Variants in CTNNA3 observed in about 807,000 individuals in gnomAD.
The protein encoded by CTNNA3 is catenin alpha 3, also known as catenin alpha-3.
Under a neutral mutation model 95.7 loss-of-function variants are expected in CTNNA3, and 76 were observed. The observed-to-expected ratio is 0.79, with a 90% CI of 0.66 to 0.96. The LOEUF is 0.96. Ranked by LOEUF, CTNNA3 falls within the 40% of genes least tolerant of loss-of-function variation. The pLI, the probability that CTNNA3 is intolerant of heterozygous loss-of-function variation, is 0.00. For missense variants in CTNNA3, 1,191 were observed against 1,089.8 expected (o/e 1.09, Z -1.31); for synonymous variants, 431 against 374.4 (o/e 1.15, Z -1.74).
intron 13 of CTNNA3, among the ~76,000 whole-genome samples, chr10:66,191,836 G>A (rs185681882): frequency 3.3e-5 from 5 of 152,274 alleles, no homozygotes; most frequent in African/African-American, 1.2e-4. Flanking sequence ...AATCCCCAAT[G>A]CAACAGTGTT....
At position 66,766,265 on chromosome 10, in the gene CTNNA3, T is replaced by C; in HGVS notation, c.1280A>G (p.Glu427Gly). 6.2e-7 allele frequency: 1 copy of C among 1,613,508 alleles called. No individual in the cohort carries two copies. The highest frequency in any genetic ancestry group is 2.2e-5 in the East Asian group (1 of 44,846). Residue 427 changes from glutamate (E) to glycine (G), a missense_variant and splice_region_variant, in exon 9 of 18, where the codon GAG (glutamate) becomes GGG (glycine). Physicochemically the swap from Glu to Gly is moderately conservative, Grantham distance 98 (BLOSUM62 -2). Coordinates refer to ENST00000433211, the MANE Select transcript of CTNNA3 (RefSeq NM_013266.4). ...IFHEHTSRLV[E>G]VANLACSMST... ...GAGTTACAGTTCTAGCATGCTTACC[T>C]CTACAAGCCTGCTGGTGTGTTCATG...
chr10:66,225,504 T>C (rs1423113497), intron 13 of CTNNA3, among the ~76,000 whole-genome samples: 2 of 150,278 alleles, frequency 1.3e-5, no homozygotes, highest in Non-Finnish European at 3.0e-5. Flanking sequence ...GCTGATTCCA[T>C]ATCTTGACTA....
rs906423317 is a variant in CTNNA3 at position 66,954,010 on chromosome 10, A to C, written c.1048-178486T>G. On this transcript the variant is annotated intron_variant, in intron 7 of 17. Transcript: ENST00000433211. ...AAAATAATTAGAACAAAGCTGGTGC[A>C]TAGTAAGTGCTCGCAAATACTAGCT... Among the ~76,000 whole-genome samples, 22 of 152,208 alleles carry C rather than the reference A, an allele frequency of 1.4e-4. 1 individual carries two copies. Among genetic ancestry groups the C allele is most frequent in the African/African-American group, 4.1e-4 (17 of 41,464 alleles).
At chr10:66,156,052 A>T (rs1427483902) in intron 13 of CTNNA3, among the ~76,000 whole-genome samples, 1 of 151,962 alleles carries the variant, frequency 6.6e-6, no homozygotes, top group Non-Finnish European at 1.5e-5. Flanking sequence ...ATCAAATTAA[A>T]GTCATGCTAT....
At chr10:67,121,981 C>CAAAAAAAAAA (rs370358378) in intron 7 of CTNNA3, among the ~76,000 whole-genome samples, 1 of 47,152 alleles carries the variant, frequency 2.1e-5, no homozygotes, top group Non-Finnish European at 4.3e-5. Context: ...TTATTCTGAG[C>CAAAAAAAAAA]AAAAAAAAAA....
At chr10:66,049,858 G>C (rs2079910202) in intron 15 of CTNNA3, among the ~76,000 whole-genome samples, 1 of 152,040 alleles carries the variant, frequency 6.6e-6, no homozygotes, top group African/African-American at 2.4e-5. Context: ...CTTAATACCT[G>C]GGTGATGAAA....
At chr10:67,233,072 A>T (rs992507163) in intron 5 of CTNNA3, among the ~76,000 whole-genome samples, 7 of 152,234 alleles carry the variant, frequency 4.6e-5, no homozygotes, top group African/African-American at 1.7e-4. Flanking sequence ...CGAGACTTTA[A>T]CACCCCACTG....
chr10:66,097,045 T>C (rs2081421502), intron 14 of CTNNA3, among the ~76,000 whole-genome samples: 1 of 152,200 alleles, frequency 6.6e-6, no homozygotes, highest in Non-Finnish European at 1.5e-5. Context: ...TTTGGATATC[T>C]ATTTCAGTTC....
chr10:67,564,165 A>G lies in CTNNA3; in HGVS notation c.293-24496T>C, dbSNP rs906209391. The stretch of plus-strand genomic sequence containing the variant: ...TGGGTATATACCCAAAGGATCATAA[A>G]TCATGCTTCTATAAAGACACATGCA... On this transcript the variant is annotated intron_variant, in intron 3 of 17. Transcript: ENST00000433211. 1.3e-5 allele frequency among the ~76,000 whole-genome samples: 2 copies of G among 149,890 alleles called. 1 individual carries two copies. The highest frequency in any genetic ancestry group is 4.9e-5 in the African/African-American group (2 of 40,492).
chr10:67,568,787 G>C (rs1440117880), intron 3 of CTNNA3, among the ~76,000 whole-genome samples: 1 of 152,070 alleles, frequency 6.6e-6, no homozygotes, highest in Non-Finnish European at 1.5e-5. Flanking sequence ...TAGGACTTAG[G>C]TGAAATGTTT....
chr10:66,962,922 C>T (rs1849199075), intron 7 of CTNNA3, among the ~76,000 whole-genome samples: 1 of 152,118 alleles, frequency 6.6e-6, no homozygotes. Flanking sequence ...GGTATGTTCA[C>T]AGATCTCTCC....
At chr10:67,688,278 A>G (rs1405441652) in intron 1 of CTNNA3, among the ~76,000 whole-genome samples, 1 of 151,990 alleles carries the variant, frequency 6.6e-6, no homozygotes, top group Non-Finnish European at 1.5e-5. Flanking sequence ...ATGATAGCTC[A>G]GGGGTTTTTG....
intron 7 of CTNNA3, among the ~76,000 whole-genome samples, chr10:67,111,638 TTATC>T (rs1858913691): frequency 1.3e-5 from 2 of 151,984 alleles, no homozygotes; most frequent in Non-Finnish European, 2.9e-5. Flanking sequence ...TGTTAGAAAG[TTATC>T]TATTGAAGTG....
intron 17 of CTNNA3, among the ~76,000 whole-genome samples, chr10:65,927,851 A>G (rs1297005840): frequency 1.3e-5 from 2 of 152,168 alleles, no homozygotes; most frequent in Admixed American, 1.3e-4. Context: ...GTATGTTTCT[A>G]ACTTCATAAG....
chr10:67,713,824 T>C (rs1219741413), intron 1 of CTNNA3, among the ~76,000 whole-genome samples: 2 of 151,964 alleles, frequency 1.3e-5, no homozygotes, highest in African/African-American at 2.4e-5. Context: ...TTAAGACAAA[T>C]ACCTAACGCA....
At chr10:67,419,532 T>C (rs1303437432) in intron 5 of CTNNA3, among the ~76,000 whole-genome samples, 7 of 152,272 alleles carry the variant, frequency 4.6e-5, no homozygotes, top group African/African-American at 1.4e-4. Flanking sequence ...TAGTAATCTA[T>C]ACAGTGTTGA....
At chr10:66,982,011 T>C (rs1211714247) in intron 7 of CTNNA3, among the ~76,000 whole-genome samples, 1 of 152,160 alleles carries the variant, frequency 6.6e-6, no homozygotes, top group African/African-American at 2.4e-5. Flanking sequence ...CTTTTGACAA[T>C]ATGAGAACAC....
At chr10:66,362,885 CATTAA>C (rs1337568785) in intron 12 of CTNNA3, among the ~76,000 whole-genome samples, 2 of 152,126 alleles carry the variant, frequency 1.3e-5, no homozygotes, top group South Asian at 2.1e-4. Flanking sequence ...TGTCATCTGT[CATTAA>C]GATAACTATT....
At chr10:67,568,050 T>C (rs1256538612) in intron 3 of CTNNA3, among the ~76,000 whole-genome samples, 2 of 152,132 alleles carry the variant, frequency 1.3e-5, no homozygotes, top group Admixed American at 6.6e-5. Flanking sequence ...GGCAGGGTAG[T>C]GGATGTAGCC....
Sources: allele counts gnomAD v4.1 joint callset (sites outside exome capture counted in the v4.1 genomes callset), GRCh38; gene constraint gnomAD v4.1.1; transcripts MANE v1.5; gene names NCBI Gene and HGNC (gene_info 2026-07-23, HGNC 2026-07-21).